The following ALPK1 variants were observed in gnomAD, a reference collection of about 807,000 sequenced individuals.
The protein encoded by ALPK1 is alpha-protein kinase 1.
In ALPK1, 110 loss-of-function variants were observed where a neutral mutation model predicts 120.6. The observed-to-expected ratio is 0.91, with a 90% CI of 0.78 to 1.07. The LOEUF (loss-of-function observed/expected upper bound fraction) is 1.07. Among genes scored for constraint, ALPK1 ranks in the 50% least tolerant of loss-of-function variants. The probability of loss-of-function intolerance (pLI) is 0.00; values close to 1 mark genes in which losing one functional copy is unlikely to be tolerated. For synonymous variants in ALPK1, 582 were observed against 560.3 expected (o/e 1.04, Z -0.55); for missense variants, 1,498 against 1,483.9 (o/e 1.01, Z -0.16).
chr4:112,395,487 GCTCAT>G lies in ALPK1; in HGVS notation c.276+12943_276+12947del, dbSNP rs560148278. ...CAATTGTCTTTAAAACATTTTTATT[GCTCAT>G]CTCATCTGTAAAAACTTTTACACAG... On this transcript the variant is annotated intron_variant, in intron 4 of 15. Coordinates refer to ENST00000650871, the MANE Select transcript of ALPK1 (RefSeq NM_025144.4). Among the ~76,000 whole-genome samples the G allele has an allele frequency of 1.7e-3, 252 of 152,156 alleles. 1 individual carries two copies. Among genetic ancestry groups the G allele is most frequent in the African/African-American group, 5.8e-3 (239 of 41,520 alleles).
At chr4:112,321,785 G>T (rs1728877256) in intron 2 of ALPK1, among the ~76,000 whole-genome samples, 1 of 152,132 alleles carries the variant, frequency 6.6e-6, no homozygotes, top group Non-Finnish European at 1.5e-5. Flanking sequence ...ACGAGTATTT[G>T]TCAGTTGCAT....
intron 4 of ALPK1, among the ~76,000 whole-genome samples, chr4:112,392,965 G>T (rs1055202952): frequency 1.3e-5 from 2 of 152,214 alleles, no homozygotes; most frequent in Admixed American, 6.5e-5. Flanking sequence ...AGCAAAGAAG[G>T]TTTATTCTGT....
At chr4:112,379,005 C>G (rs1340059185) in intron 3 of ALPK1, among the ~76,000 whole-genome samples, 1 of 152,178 alleles carries the variant, frequency 6.6e-6, no homozygotes, top group African/African-American at 2.4e-5. Flanking sequence ...CAGATGTCAG[C>G]CTTTGTCAGG....
chr4:112,407,246 A>C (rs1733224627), intron 4 of ALPK1, among the ~76,000 whole-genome samples: 1 of 152,232 alleles, frequency 6.6e-6, no homozygotes. Flanking sequence ...CAACATGAAC[A>C]TACTTAACAC....
At chr4:112,361,194 C>T (rs540956169) in intron 2 of ALPK1, among the ~76,000 whole-genome samples, 111 of 152,300 alleles carry the variant, frequency 7.3e-4, no homozygotes, top group African/African-American at 2.5e-3. Context: ...CCAGGAAAGC[C>T]GAGACAATCC....
chr4:112,382,517 A>T lies in ALPK1; in HGVS notation c.241A>T (p.Lys81Ter). 1.2e-6 allele frequency: 2 copies of T among 1,614,142 alleles called. No homozygotes were observed. Among genetic ancestry groups the T allele is most frequent in the Non-Finnish European group, 1.7e-6 (2 of 1,180,018 alleles). ...AVGPEDKTNL[K>*]DVIGAGLQQL... ...GGGCCCAGAGGACAAAACAAACCTG[A>T]AGGATGTGATTGGCGCCGGGTTGCA... is the stretch of plus-strand genomic sequence containing the variant. The change falls in exon 4 of 16, where the codon AAG (lysine) becomes TAG (stop). Residue 81 changes from lysine (K) to a stop codon, truncating the protein, a stop_gained. Transcript: ENST00000650871. LOFTEE classifies it high-confidence loss of function.
At chr4:112,379,982 A>G (rs746482258) in intron 3 of ALPK1, among the ~76,000 whole-genome samples, 7 of 152,178 alleles carry the variant, frequency 4.6e-5, no homozygotes, top group African/African-American at 1.2e-4. Context: ...TATGAACACT[A>G]TTCACTCCAA....
At chr4:112,407,589 A>G (rs1013193850) in intron 4 of ALPK1, among the ~76,000 whole-genome samples, 4 of 152,218 alleles carry the variant, frequency 2.6e-5, no homozygotes, top group African/African-American at 7.2e-5. Context: ...TGAATCTCAC[A>G]GCTTCAGCTT....
Position 112,314,025 on chromosome 4 carries a change from C to T in ALPK1, c.-152-1776C>T, listed in dbSNP as rs560908452. 3.9e-5 allele frequency among the ~76,000 whole-genome samples: 6 copies of T among 152,222 alleles called. No homozygotes were observed. In the East Asian group the frequency reaches 9.6e-4, roughly 24 times the overall value. ...GAGCCAAAGGAGAGCAAAAGCTTGACGATGTAAAAGATTGAGAGAGGAAGA... is the reference window on the plus strand; with the variant it reads ...GAGCCAAAGGAGAGCAAAAGCTTGATGATGTAAAAGATTGAGAGAGGAAGA... On this transcript the variant is annotated intron_variant, in intron 1 of 15. Coordinates refer to ENST00000650871, the MANE Select transcript of ALPK1 (RefSeq NM_025144.4).
At chr4:112,420,623 G>A (rs981297206) in intron 5 of ALPK1, among the ~76,000 whole-genome samples, 1 of 152,104 alleles carries the variant, frequency 6.6e-6, no homozygotes, top group African/African-American at 2.4e-5. Context: ...GCAAAAGCGG[G>A]GGAAATGAGA....
chr4:112,375,237 A>T (rs80142009), intron 2 of ALPK1, among the ~76,000 whole-genome samples: 11,716 of 146,166 alleles, frequency 0.08, 723 homozygotes, highest in African/African-American at 0.17. Context: ...CGGAGTGTAG[A>T]GGTGCAGTCA....
At chr4:112,322,726 G>T (rs554809095) in intron 2 of ALPK1, among the ~76,000 whole-genome samples, 1 of 152,162 alleles carries the variant, frequency 6.6e-6, no homozygotes, top group South Asian at 2.1e-4. Context: ...AATGAGTTTG[G>T]CCTCAAATCA....
chr4:112,322,478 G>A (rs1728905083), intron 2 of ALPK1, among the ~76,000 whole-genome samples: 1 of 152,156 alleles, frequency 6.6e-6, no homozygotes, highest in Admixed American at 6.5e-5. Flanking sequence ...GATTTAGCTT[G>A]CATCTGCTTT....
At chr4:112,314,487 C>T (rs1728548395) in intron 1 of ALPK1, among the ~76,000 whole-genome samples, 2 of 152,064 alleles carry the variant, frequency 1.3e-5, no homozygotes, top group Admixed American at 6.6e-5. Context: ...GGCTGTATGA[C>T]CATGGAAGTG....
At chr4:112,356,260 G>A (rs371735042) in intron 2 of ALPK1, 38 of 1,349,918 alleles carry the variant, frequency 2.8e-5, no homozygotes, top group South Asian at 2.8e-4. Context: ...AGAGCCCCGC[G>A]GGCACAGGCA....
intron 5 of ALPK1, among the ~76,000 whole-genome samples, chr4:112,421,803 T>C (rs1277784795): frequency 1.3e-5 from 2 of 152,228 alleles, no homozygotes; most frequent in Non-Finnish European, 2.9e-5. Context: ...CACAAATCTC[T>C]TTTTCCTTCT....
chr4:112,347,434 C>T (rs1472618403), intron 2 of ALPK1, among the ~76,000 whole-genome samples: 1 of 152,168 alleles, frequency 6.6e-6, no homozygotes, highest in Non-Finnish European at 1.5e-5. Flanking sequence ...ATATCATCAA[C>T]CCGATTCAAT....
intron 2 of ALPK1, among the ~76,000 whole-genome samples, chr4:112,332,518 G>A (rs1252952437): frequency 2.4e-4 from 36 of 152,180 alleles, no homozygotes; most frequent in Admixed American, 2.4e-3. Flanking sequence ...TCATTGACTG[G>A]TTGCCATCAA....
intron 4 of ALPK1, among the ~76,000 whole-genome samples, chr4:112,401,541 G>A (rs776305516): frequency 1.4e-4 from 22 of 152,168 alleles, no homozygotes; most frequent in Non-Finnish European, 3.1e-4. Context: ...AGAGAAGAAG[G>A]TCATGGGCAA....
Sources: gnomAD v4.1 joint callset for allele counts (sites outside exome capture counted in the v4.1 genomes callset) on GRCh38, gnomAD v4.1.1 for gene constraint, MANE v1.5 for transcripts, NCBI Gene and HGNC (gene_info 2026-07-23, HGNC 2026-07-21) for gene names.